Variants in OTUB2 observed in about 807,000 individuals in gnomAD.
OTUB2 encodes ubiquitin thioesterase OTUB2.
OTUB2 carries 21 observed loss-of-function variants against 25.1 expected under a neutral mutation model. The observed-to-expected ratio is 0.84, with a 90% CI of 0.59 to 1.21. The LOEUF (loss-of-function observed/expected upper bound fraction) is 1.21, where lower values mean the gene tolerates loss of function less well. Among genes scored for constraint, OTUB2 ranks in the 50% most tolerant of loss-of-function variants. The probability of loss-of-function intolerance (pLI) is 0.00; values close to 1 mark genes in which losing one functional copy is unlikely to be tolerated. For missense variants in OTUB2, 283 were observed against 298.0 expected (o/e 0.95, Z 0.37); for synonymous variants, 122 against 122.8 (o/e 0.99, Z 0.04).
At chr14:94,036,266 C>CA (rs1386369110) in intron 1 of OTUB2, among the ~76,000 whole-genome samples, 1 of 152,086 alleles carries the variant, frequency 6.6e-6, no homozygotes, top group African/African-American at 2.4e-5. Context: ...TGGGTGTCAA[C>CA]AATGATGGTG....
At chr14:94,033,855 T>C (rs1457980028) in intron 1 of OTUB2, among the ~76,000 whole-genome samples, 1 of 152,194 alleles carries the variant, frequency 6.6e-6, no homozygotes, top group Non-Finnish European at 1.5e-5. Context: ...TAGCACGCAG[T>C]ATGAGGGCCA....
At chr14:94,042,636 C>T (rs142662672) in intron 3 of OTUB2, among the ~76,000 whole-genome samples, 2,377 of 152,252 alleles carry the variant, frequency 0.016, 32 homozygotes, top group Middle Eastern at 0.034. Context: ...AGTACTCTGG[C>T]CATGGGCCAC....
At chr14:94,034,404 T>G (rs1487098625) in intron 1 of OTUB2, among the ~76,000 whole-genome samples, 1 of 152,194 alleles carries the variant, frequency 6.6e-6, no homozygotes, top group Non-Finnish European at 1.5e-5. Flanking sequence ...TGTTCCTTTG[T>G]GTTTAGCAGC....
chr14:94,029,554 C>T (rs1567050564), intron 1 of OTUB2, among the ~76,000 whole-genome samples: 1 of 152,254 alleles, frequency 6.6e-6, no homozygotes, highest in Non-Finnish European at 1.5e-5. Flanking sequence ...GGACACCAGT[C>T]GTATTGAATT....
chr14:94,029,992 TG>T (rs1884929937), intron 1 of OTUB2, among the ~76,000 whole-genome samples: 1 of 152,106 alleles, frequency 6.6e-6, no homozygotes, highest in South Asian at 2.1e-4. Flanking sequence ...GCAAAGGCCC[TG>T]GGGTGAGAGT....
chr14:94,044,891 G>A, intron 5 of OTUB2, 111 bp downstream of exon 5: 3 of 1,166,596 alleles, frequency 2.6e-6, no homozygotes, highest in South Asian at 1.6e-5. Context: ...GACTGCCCTT[G>A]CAATTCAAAC....
At position 94,043,984 on chromosome 14, in the gene OTUB2, G is replaced by T; in HGVS notation, c.232G>T (p.Val78Leu). The T allele has an allele frequency of 5.6e-6, 9 of 1,614,196 alleles. No individual in the cohort carries two copies. Among genetic ancestry groups the T allele is most frequent in the Non-Finnish European group, 7.6e-6 (9 of 1,180,002 alleles). ...SREIFKFKER[V>L]LQTPNDLLAA... ...CCCCCTCTGTAGGTTCAAAGAACGC[G>T]TACTGCAGACCCCAAATGACCTTCT... The change falls in exon 4 of 6, where the codon GTA becomes TTA. Residue 78 changes from valine to leucine, a missense_variant. Physicochemically the swap from Val to Leu is conservative, Grantham distance 32 (BLOSUM62 1). Transcript: ENST00000203664.
At chr14:94,043,412 C>A (rs1239692065) in intron 3 of OTUB2, among the ~76,000 whole-genome samples, 1 of 152,174 alleles carries the variant, frequency 6.6e-6, no homozygotes, top group Non-Finnish European at 1.5e-5. Flanking sequence ...CAGGCCCAGG[C>A]CTGGGTTTCT....
chr14:94,048,208 C>G lies in OTUB2; in HGVS notation c.*2286C>G, dbSNP rs892684657. 1.3e-5 allele frequency: 2 copies of G among 152,232 alleles called. No homozygotes were observed. The highest frequency in any genetic ancestry group is 2.9e-5 in the Non-Finnish European group (2 of 68,048). The allele number at this position is 152,232 out of a possible 1,614,324, so 9.4% of individuals were successfully genotyped here. A position where few individuals can be genotyped will look rare whatever the true frequency, so the allele number is the denominator to read the frequency against. ...CCAGTCACCCTGGCCAGTCCCACTT[C>G]CTGGATAATTCTCTACCCTCACCCC... On this transcript the variant is annotated 3_prime_UTR_variant, in exon 6 of 6. Coordinates refer to ENST00000203664, the MANE Select transcript of OTUB2 (RefSeq NM_023112.4).
At chr14:94,042,989 T>A (rs1226723604) in intron 3 of OTUB2, among the ~76,000 whole-genome samples, 7 of 152,130 alleles carry the variant, frequency 4.6e-5, no homozygotes, top group Admixed American at 1.3e-4. Context: ...GACAAACTAG[T>A]CCTGGCCCAG....
At chr14:94,027,643 C>T (rs997320880) in intron 1 of OTUB2, among the ~76,000 whole-genome samples, 1 of 152,238 alleles carries the variant, frequency 6.6e-6, no homozygotes, top group African/African-American at 2.4e-5. Flanking sequence ...CAAGCTTAGC[C>T]TCCTCTCTCC....
chr14:94,047,250 T>C lies in OTUB2; in HGVS notation c.*1328T>C, dbSNP rs1885296230. On this transcript the variant is annotated 3_prime_UTR_variant, in exon 6 of 6. Transcript: ENST00000203664. ...TTCTGCAGGGATTTACTGGAATCTA[T>C]TGGTGCTGCTGCATGAGTCTGCTGA... 1 of 152,232 alleles carries C rather than the reference T, an allele frequency of 6.6e-6. No individual in the cohort carries two copies. The highest frequency in any genetic ancestry group is 1.5e-5 in the Non-Finnish European group (1 of 68,052). The allele number at this position is 152,232 out of a possible 1,614,324, so 9.4% of individuals were successfully genotyped here.
At position 94,026,457 on chromosome 14, in the gene OTUB2, G is replaced by C; in HGVS notation, c.-81G>C. On this transcript the variant is annotated 5_prime_UTR_variant, in exon 1 of 6. Coordinates refer to ENST00000203664, the MANE Select transcript of OTUB2 (RefSeq NM_023112.4). ...TCCCCGCCACCGAACCAGCGGCGGAGCCCGCCCGCGCCTCCCGCGGCATTC... is the reference window on the plus strand; with the variant it reads ...TCCCCGCCACCGAACCAGCGGCGGACCCCGCCCGCGCCTCCCGCGGCATTC... 7.6e-7 allele frequency: 1 copy of C among 1,319,978 alleles called. No individual in the cohort carries two copies. The highest frequency in any genetic ancestry group is 9.7e-7 in the Non-Finnish European group (1 of 1,032,634). The allele number at this position is 1,319,978 out of a possible 1,614,324, so 81.8% of individuals were successfully genotyped here.
intron 2 of OTUB2, among the ~76,000 whole-genome samples, chr14:94,037,896 G>C (rs1219278377): frequency 6.6e-6 from 1 of 152,228 alleles, no homozygotes; most frequent in Non-Finnish European, 1.5e-5. Context: ...GAGACCTCTT[G>C]GAGGGAAAGT....
chr14:94,044,475 C>T, intron 4 of OTUB2, 111 bp from the exon 5 acceptor site: 1 of 1,122,898 alleles, frequency 8.9e-7, no homozygotes, highest in Middle Eastern at 2.6e-4. Context: ...TGAGAATCTA[C>T]AAATGAAAAT....
Position 94,045,762 on chromosome 14 carries a change from C to A in OTUB2, c.545C>A (p.Ala182Glu). ...GAGTGTGACCACATCCAGATCACGGCGTTGTCGCAGGCCCTGAGCATTGCC... is the reference window on the plus strand; with the variant it reads ...GAGTGTGACCACATCCAGATCACGGAGTTGTCGCAGGCCCTGAGCATTGCC... ...ATECDHIQIT[A>E]LSQALSIALQ... Residue 182 changes from alanine (A) to glutamate (E), a missense_variant, in exon 6 of 6, where the codon GCG becomes GAG. Coordinates refer to ENST00000203664, the MANE Select transcript of OTUB2 (RefSeq NM_023112.4). 1 of 1,614,212 alleles carries A rather than the reference C, an allele frequency of 6.2e-7. No homozygotes were observed. Among genetic ancestry groups the A allele is most frequent in the Non-Finnish European group, 8.5e-7 (1 of 1,180,022 alleles).
At chr14:94,034,351 C>T (rs1443669666) in intron 1 of OTUB2, among the ~76,000 whole-genome samples, 4 of 152,168 alleles carry the variant, frequency 2.6e-5, no homozygotes, top group Non-Finnish European at 5.9e-5. Context: ...GAGGTGGGGA[C>T]CTGGCCTGTT....
At chr14:94,035,578 C>T (rs1051991128) in intron 1 of OTUB2, among the ~76,000 whole-genome samples, 1 of 152,108 alleles carries the variant, frequency 6.6e-6, no homozygotes. Context: ...CATGAGCCAC[C>T]GTGCCTGGCC....
chr14:94,044,504 C>T (rs1194264047), intron 4 of OTUB2, 82 bp from the exon 5 acceptor site: 27 of 1,398,868 alleles, frequency 1.9e-5, no homozygotes, highest in African/African-American at 2.9e-5. Flanking sequence ...GGGCTTCACG[C>T]GAAGGGAGGG....
Sources: gnomAD v4.1 joint callset for allele counts (sites outside exome capture counted in the v4.1 genomes callset) on GRCh38, gnomAD v4.1.1 for gene constraint, MANE v1.5 for transcripts, NCBI Gene and HGNC (gene_info 2026-07-23, HGNC 2026-07-21) for gene names.